SLC28A1: variants seen among roughly 807,000 people sequenced by gnomAD.
SLC28A1 encodes solute carrier family 28 member 1.
A neutral mutation model predicts 74.8 loss-of-function variants in SLC28A1; 64 were observed. That is an observed-to-expected ratio of 0.86 (90% CI 0.70 to 1.05). The LOEUF (loss-of-function observed/expected upper bound fraction) is 1.05. SLC28A1 is among the 50% of genes least tolerant of loss of function. SLC28A1 has a pLI of 0.00. For synonymous variants in SLC28A1, 359 were observed against 335.0 expected, an observed-to-expected ratio of 1.07 and a Z score of -0.78; for missense variants, 828 against 822.8, an observed-to-expected ratio of 1.01 and a Z score of -0.08.
chr15:84,935,867 T>C (rs1443520283), intron 15 of SLC28A1, among the ~76,000 whole-genome samples: 2 of 151,224 alleles, frequency 1.3e-5, no homozygotes, highest in Non-Finnish European at 2.9e-5. Flanking sequence ...TCCAAAGGCA[T>C]ACACATGTGC....
intron 2 of SLC28A1, chr15:84,887,446 G>T: frequency 1.0e-6 from 1 of 975,990 alleles, no homozygotes; most frequent in Non-Finnish European, 1.2e-6. Context: ...CACTTTGGGA[G>T]GCTGAGGTGG....
At chr15:84,895,461 G>A (rs1965890829) in intron 6 of SLC28A1, 9 of 1,612,478 alleles carry the variant, frequency 5.6e-6, no homozygotes, top group Middle Eastern at 1.8e-4. Flanking sequence ...AAGCCGCAGG[G>A]ACCATCCCTG....
the SLC28A1 span, among the ~76,000 whole-genome samples, chr15:84,953,389 G>A: frequency 6.6e-6 from 1 of 152,238 alleles, no homozygotes; most frequent in Non-Finnish European, 1.5e-5. Context: ...CAGCTGGTGG[G>A]TTTTATCACT....
In SLC28A1 at chr15:84,933,956, C is replaced by A. The variant is rs535833017; in HGVS notation, c.1214+681C>A. Among the ~76,000 whole-genome samples, 12 of 152,282 alleles carry A rather than the reference C, an allele frequency of 7.9e-5. No homozygotes were observed. In the South Asian group the frequency reaches 2.5e-3, roughly 32 times the overall value. ...CACCACTGTACTCCAGCCTGGGCAACAGAGCGAAACTCCGTCTCAAAAACA... is the reference window on the plus strand; with the variant it reads ...CACCACTGTACTCCAGCCTGGGCAAAAGAGCGAAACTCCGTCTCAAAAACA... On this transcript the variant is annotated intron_variant, in intron 13 of 18. Transcript: ENST00000394573.
At chr15:84,914,991 G>T (rs147599318) in intron 9 of SLC28A1, among the ~76,000 whole-genome samples, 2 of 152,292 alleles carry the variant, frequency 1.3e-5, no homozygotes, top group African/African-American at 4.8e-5. Flanking sequence ...CTGCAGTGGG[G>T]TCCTGATGCC....
intron 6 of SLC28A1, 47 bp from the exon 7 acceptor site, chr15:84,904,050 T>C (rs1163718435): frequency 8.7e-6 from 14 of 1,612,634 alleles, no homozygotes; most frequent in Non-Finnish European, 1.2e-5. Context: ...GTGGGTGGGG[T>C]GGGGGTGCAA....
chr15:84,895,711 ATG>A, intron 6 of SLC28A1: 2 of 1,353,510 alleles, frequency 1.5e-6, no homozygotes, highest in Non-Finnish European at 1.9e-6. Flanking sequence ...CTCTAAATTT[ATG>A]TGTTTTATAA....
chr15:84,968,384 A>G, the SLC28A1 span, among the ~76,000 whole-genome samples: 2 of 152,142 alleles, frequency 1.3e-5, no homozygotes, highest in African/African-American at 4.8e-5. Context: ...GGGCTGGAAG[A>G]TCTACTTCCA....
At chr15:84,887,412 G>C in intron 2 of SLC28A1, 3 of 984,864 alleles carry the variant, frequency 3.0e-6, no homozygotes, top group African/African-American at 3.5e-5. Context: ...AGGCTGGGGT[G>C]GTGGCGCACG....
intron 12 of SLC28A1, among the ~76,000 whole-genome samples, chr15:84,930,993 G>A (rs528329969): frequency 2.6e-5 from 4 of 152,030 alleles, no homozygotes; most frequent in African/African-American, 9.6e-5. Flanking sequence ...GACTGGTCTC[G>A]AACTCCTGAC....
intron 9 of SLC28A1, among the ~76,000 whole-genome samples, chr15:84,909,192 G>A (rs1967770339): frequency 6.6e-6 from 1 of 152,062 alleles, no homozygotes; most frequent in Non-Finnish European, 1.5e-5. Context: ...TTCCAGGAAG[G>A]CTTAGGCTCA....
At position 84,886,779 on chromosome 15, in the gene SLC28A1, C is replaced by T. The variant is rs1053920542; in HGVS notation, c.-25C>T. 5.1e-6 allele frequency: 5 copies of T among 985,230 alleles called. No homozygotes were observed. In the African/African-American group the frequency reaches 5.2e-5, roughly 10 times the overall value. 61.0% of individuals were successfully genotyped at this position (985,230 alleles called of 1,614,324 possible). A position where few individuals can be genotyped will look rare whatever the true frequency, so the allele number is the denominator to read the frequency against. On this transcript the variant is annotated 5_prime_UTR_variant, in exon 2 of 19. Coordinates refer to ENST00000394573, the MANE Select transcript of SLC28A1 (RefSeq NM_004213.5). ...CTCTCTCTGAGAGCGACCTGTTAAC[C>T]GCAAATACGTGAGTAGAAACAGGGC...
chr15:84,968,582 A>T, the SLC28A1 span, among the ~76,000 whole-genome samples: 2 of 152,194 alleles, frequency 1.3e-5, no homozygotes, highest in Non-Finnish European at 2.9e-5. Context: ...ACATGCTGTC[A>T]CTTCTGCAGT....
At chr15:84,947,858 C>T (rs2079286071), downstream of SLC28A1, among the ~76,000 whole-genome samples, 1 of 152,158 alleles carries the variant, frequency 6.6e-6, no homozygotes, top group African/African-American at 2.4e-5. Context: ...ACATTCAGAC[C>T]ATAGCAAATA....
the SLC28A1 span, among the ~76,000 whole-genome samples, chr15:84,973,286 A>G: frequency 6.6e-5 from 10 of 152,082 alleles, no homozygotes; most frequent in African/African-American, 2.4e-4. Flanking sequence ...CAGGCGGGAT[A>G]TTTTTGGTTG....
In SLC28A1 at chr15:84,886,824, C is replaced by T. The variant is rs141781702; in HGVS notation, c.-17+37C>T. 3 of 943,780 alleles carry T rather than the reference C, an allele frequency of 3.2e-6. No homozygotes were observed. In the East Asian group the frequency reaches 3.5e-4, roughly 109 times the overall value. The allele number at this position is 943,780 out of a possible 1,614,324, so 58.5% of individuals were successfully genotyped here. A position where few individuals can be genotyped will look rare whatever the true frequency, so the allele number is the denominator to read the frequency against. On this transcript the variant is annotated intron_variant, in intron 2 of 18. Transcript: ENST00000394573. ...CAGGGCCCCGCTTCTGTGTGCGCTG[C>T]TGTGCGTCTGTGTGTGAGCCAGGGC...
At chr15:84,923,651 C>T (rs756638298) in intron 11 of SLC28A1, among the ~76,000 whole-genome samples, 5 of 152,128 alleles carry the variant, frequency 3.3e-5, no homozygotes, top group Admixed American at 6.5e-5. Flanking sequence ...GGAACCCCAC[C>T]GAACCTCTGT....
At chr15:84,895,875 G>A in intron 6 of SLC28A1, 2 of 1,056,986 alleles carry the variant, frequency 1.9e-6, no homozygotes, top group African/African-American at 3.4e-5. Flanking sequence ...TAAGTCAGGG[G>A]GATGCAGGGG....
At chr15:84,932,305 G>A (rs1567177326) in intron 12 of SLC28A1, among the ~76,000 whole-genome samples, 1 of 152,112 alleles carries the variant, frequency 6.6e-6, no homozygotes. Context: ...ACAGTGATAG[G>A]GGGAAACGTG....
Sources: allele counts gnomAD v4.1 joint callset (sites outside exome capture counted in the v4.1 genomes callset), GRCh38; gene constraint gnomAD v4.1.1; transcripts MANE v1.5; gene names NCBI Gene and HGNC (gene_info 2026-07-23, HGNC 2026-07-21).